CMTM8: variants seen among roughly 807,000 people sequenced by gnomAD.
CMTM8 encodes the protein CKLF like MARVEL transmembrane domain containing 8.
A neutral mutation model predicts 18.6 loss-of-function variants in CMTM8; 12 were observed. The ratio of observed to expected loss-of-function variants is 0.65; its 90% confidence interval spans 0.41 to 1.05. CMTM8 has a LOEUF of 1.05. Among genes scored for constraint, CMTM8 ranks in the 50% least tolerant of loss-of-function variants. The probability of loss-of-function intolerance (pLI) is 0.00; values close to 1 mark genes in which losing one functional copy is unlikely to be tolerated. For synonymous variants in CMTM8, 87 were observed against 90.6 expected, an observed-to-expected ratio of 0.96 and a Z score of 0.23; for missense variants, 217 against 227.2, an observed-to-expected ratio of 0.95 and a Z score of 0.29.
At chr3:32,249,281 T>A (rs531275984) in intron 1 of CMTM8, among the ~76,000 whole-genome samples, 243 of 150,702 alleles carry the variant, frequency 1.6e-3, no homozygotes, top group African/African-American at 5.8e-3. Context: ...ATAGAAAAAA[T>A]TAGCTGGGCA....
intron 1 of CMTM8, among the ~76,000 whole-genome samples, chr3:32,348,514 T>TTCCCC (rs1696644417): frequency 7.7e-6 from 1 of 130,684 alleles, no homozygotes; most frequent in South Asian, 2.6e-4. Context: ...TTTTCTTCAC[T>TTCCCC]CTCTCTTCCT....
At chr3:32,308,494 A>G (rs776711567) in intron 1 of CMTM8, among the ~76,000 whole-genome samples, 1 of 152,200 alleles carries the variant, frequency 6.6e-6, no homozygotes, top group Admixed American at 6.5e-5. Context: ...TGGATGGGAC[A>G]GTGGAGAGTG....
chr3:32,344,913 AT>A (rs1195525970), intron 1 of CMTM8, among the ~76,000 whole-genome samples: 4 of 151,976 alleles, frequency 2.6e-5, no homozygotes, highest in Non-Finnish European at 1.5e-5. Context: ...AAAACCTGAC[AT>A]TTGTTTTCTT....
chr3:32,302,172 G>A (rs1489945672), intron 1 of CMTM8, among the ~76,000 whole-genome samples: 3 of 151,466 alleles, frequency 2.0e-5, no homozygotes, highest in East Asian at 1.9e-4. Flanking sequence ...AATGTGGCAC[G>A]TGTCATAACT....
chr3:32,342,530 G>A (rs1696519057), intron 1 of CMTM8, among the ~76,000 whole-genome samples: 1 of 152,168 alleles, frequency 6.6e-6, no homozygotes, highest in Non-Finnish European at 1.5e-5. Flanking sequence ...TGGTATTGAG[G>A]TGGACCGTGT....
At chr3:32,359,343 C>T (rs891308279) in intron 2 of CMTM8, among the ~76,000 whole-genome samples, 30 of 152,296 alleles carry the variant, frequency 2.0e-4, no homozygotes, top group Admixed American at 7.2e-4. Flanking sequence ...GTGGCTCACA[C>T]CTGTAATCTT....
intron 1 of CMTM8, among the ~76,000 whole-genome samples, chr3:32,283,287 C>T (rs372437430): frequency 5.3e-5 from 8 of 152,158 alleles, no homozygotes; most frequent in African/African-American, 1.7e-4. Context: ...ATTTCTCTGT[C>T]TTTTCCACCT....
intron 1 of CMTM8, among the ~76,000 whole-genome samples, chr3:32,306,007 C>T (rs998413229): frequency 6.6e-6 from 1 of 152,152 alleles, no homozygotes; most frequent in Admixed American, 6.5e-5. Context: ...TCCTGGTACT[C>T]CTTGGAGTGT....
intron 1 of CMTM8, among the ~76,000 whole-genome samples, chr3:32,244,427 TCTC>T (rs1352724006): frequency 1.3e-5 from 2 of 152,174 alleles, no homozygotes; most frequent in Non-Finnish European, 2.9e-5. Flanking sequence ...CTCAAGCAGT[TCTC>T]CTCCTTAGGC....
chr3:32,338,784 G>C (rs145184430), intron 1 of CMTM8, among the ~76,000 whole-genome samples: 1 of 152,176 alleles, frequency 6.6e-6, no homozygotes, highest in Non-Finnish European at 1.5e-5. Context: ...TATCACTCAC[G>C]GTGTCTGTAC....
chr3:32,270,845 T>C (rs1308510009), intron 1 of CMTM8, among the ~76,000 whole-genome samples: 11 of 152,248 alleles, frequency 7.2e-5, no homozygotes, highest in Middle Eastern at 3.4e-3. Context: ...GTTGTGCACA[T>C]GTACCCTCAA....
At chr3:32,346,982 GGCTT>G (rs202099037) in intron 1 of CMTM8, among the ~76,000 whole-genome samples, 2,348 of 151,732 alleles carry the variant, frequency 0.015, 64 homozygotes, top group African/African-American at 0.053. Context: ...CACCATGCCT[GGCTT>G]GCTTGCTTGC....
At chr3:32,328,112 T>C (rs1696197619) in intron 1 of CMTM8, among the ~76,000 whole-genome samples, 1 of 152,128 alleles carries the variant, frequency 6.6e-6, no homozygotes, top group Admixed American at 6.5e-5. Context: ...CAGTGGCCCA[T>C]GCCTGTAATC....
chr3:32,288,252 T>C (rs1170226155), intron 1 of CMTM8, among the ~76,000 whole-genome samples: 1 of 152,162 alleles, frequency 6.6e-6, no homozygotes, highest in African/African-American at 2.4e-5. Flanking sequence ...CTGACTTTCA[T>C]ATATGAGAGT....
chr3:32,319,074 A>ATATATATTTATTTTTTTTT, intron 1 of CMTM8, among the ~76,000 whole-genome samples: 1 of 31,530 alleles, frequency 3.2e-5, no homozygotes, highest in Non-Finnish European at 5.1e-5. Flanking sequence ...ATATATATAT[A>ATATATATTTATTTTTTTTT]TTTTTTTTTT....
chr3:32,294,639 G>A (rs1236816985), intron 1 of CMTM8, among the ~76,000 whole-genome samples: 1 of 152,220 alleles, frequency 6.6e-6, no homozygotes, highest in African/African-American at 2.4e-5. Flanking sequence ...AAAGTATGCG[G>A]CAGCAGATAG....
At chr3:32,251,756 A>G (rs1345547649) in intron 1 of CMTM8, among the ~76,000 whole-genome samples, 1 of 152,020 alleles carries the variant, frequency 6.6e-6, no homozygotes, top group East Asian at 1.9e-4. Context: ...GGTTACACAA[A>G]TATTTGAAGA....
intron 1 of CMTM8, among the ~76,000 whole-genome samples, chr3:32,320,409 GAA>G (rs1159818250): frequency 1.3e-5 from 2 of 152,192 alleles, no homozygotes; most frequent in African/African-American, 4.8e-5. Flanking sequence ...CCATTTATGT[GAA>G]ATGTCCAGGA....
At chr3:32,308,467 T>C (rs894582757) in intron 1 of CMTM8, among the ~76,000 whole-genome samples, 1 of 152,214 alleles carries the variant, frequency 6.6e-6, no homozygotes, top group African/African-American at 2.4e-5. Flanking sequence ...CAGTTTCTTC[T>C]CCAGAACTTA....
Sources: allele counts gnomAD v4.1 joint callset (sites outside exome capture counted in the v4.1 genomes callset), GRCh38; gene constraint gnomAD v4.1.1; transcripts MANE v1.5; gene names NCBI Gene and HGNC (gene_info 2026-07-23, HGNC 2026-07-21).